NPAS3: variants seen among roughly 807,000 people sequenced by gnomAD.
NPAS3 encodes neuronal PAS domain protein 3, also known as neuronal PAS domain-containing protein 3.
A neutral mutation model predicts 73.1 loss-of-function variants in NPAS3; 14 were observed. The ratio of observed to expected loss-of-function variants is 0.19; its 90% CI spans 0.13 to 0.30. NPAS3 has a LOEUF of 0.30. Ranked by LOEUF, NPAS3 falls within the 10% of genes least tolerant of loss-of-function variation. The pLI, the probability that NPAS3 is intolerant of heterozygous loss-of-function variation, is 1.00. For synonymous variants in NPAS3, 620 were observed against 541.5 expected (o/e 1.14, Z -2.01); for missense variants, 1,096 against 1,250.0 (o/e 0.88, Z 1.86).
chr14:33,692,649 T>C (rs558171228), intron 6 of NPAS3, among the ~76,000 whole-genome samples: 1 of 152,112 alleles, frequency 6.6e-6, no homozygotes, highest in South Asian at 2.1e-4. Flanking sequence ...TATGCCTTGG[T>C]CTTCCAAAGA....
At chr14:33,295,725 A>G (rs891009488) in intron 3 of NPAS3, among the ~76,000 whole-genome samples, 1 of 152,212 alleles carries the variant, frequency 6.6e-6, no homozygotes, top group Non-Finnish European at 1.5e-5. Context: ...AGAGGTATTT[A>G]TAGAGTCCAT....
At chr14:33,321,291 G>T (rs2043435913) in intron 3 of NPAS3, among the ~76,000 whole-genome samples, 1 of 152,090 alleles carries the variant, frequency 6.6e-6, no homozygotes. Context: ...GACCAGTACA[G>T]AATAGGATTC....
intron 3 of NPAS3, among the ~76,000 whole-genome samples, chr14:33,292,160 G>A (rs1035366260): frequency 6.6e-6 from 1 of 152,046 alleles, no homozygotes; most frequent in Non-Finnish European, 1.5e-5. Flanking sequence ...TACATTCCAG[G>A]GTGTTTCAAA....
At chr14:33,546,873 C>G (rs977332116) in intron 4 of NPAS3, among the ~76,000 whole-genome samples, 1 of 152,188 alleles carries the variant, frequency 6.6e-6, no homozygotes, top group Non-Finnish European at 1.5e-5. Flanking sequence ...AGACCTATGT[C>G]TACGTCTAGT....
chr14:33,544,088 T>C (rs891456744), intron 4 of NPAS3, among the ~76,000 whole-genome samples: 7 of 151,066 alleles, frequency 4.6e-5, no homozygotes, highest in Middle Eastern at 6.8e-3. Context: ...ACCACCTCCA[T>C]AAATGCTATC....
intron 11 of NPAS3, among the ~76,000 whole-genome samples, chr14:33,798,084 A>T (rs1032637775): frequency 1.3e-5 from 2 of 152,044 alleles, no homozygotes; most frequent in African/African-American, 4.8e-5. Context: ...GCTCCAAGAG[A>T]GTCTGTGACT....
chr14:33,618,423 A>G (rs1328039286), intron 5 of NPAS3, among the ~76,000 whole-genome samples: 1 of 152,090 alleles, frequency 6.6e-6, no homozygotes, highest in African/African-American at 2.4e-5. Flanking sequence ...GATTCTCCTT[A>G]AGTAGTTGCA....
intron 2 of NPAS3, among the ~76,000 whole-genome samples, chr14:33,120,367 C>T (rs1185451093): frequency 4.6e-5 from 7 of 152,090 alleles, no homozygotes; most frequent in Admixed American, 4.6e-4. Context: ...CCAACTTTTG[C>T]TTACAAGATG....
intron 4 of NPAS3, among the ~76,000 whole-genome samples, chr14:33,529,581 T>G (rs187390024): frequency 9.1e-4 from 139 of 152,200 alleles, no homozygotes; most frequent in African/African-American, 3.3e-3. Flanking sequence ...TCCTTTGTGT[T>G]GTTAAAGTAA....
At chr14:33,350,978 T>A (rs2045018100) in intron 3 of NPAS3, among the ~76,000 whole-genome samples, 1 of 152,164 alleles carries the variant, frequency 6.6e-6, no homozygotes, top group Non-Finnish European at 1.5e-5. Context: ...AGTTTGAGCA[T>A]GAGGTAATTA....
intron 3 of NPAS3, among the ~76,000 whole-genome samples, chr14:33,223,225 C>T (rs1287121354): frequency 6.6e-6 from 1 of 152,104 alleles, no homozygotes; most frequent in East Asian, 1.9e-4. Flanking sequence ...GCAGGAGAAT[C>T]GCTTGAACGT....
chr14:33,242,172 A>G (rs2048232084), intron 3 of NPAS3, among the ~76,000 whole-genome samples: 1 of 152,034 alleles, frequency 6.6e-6, no homozygotes, highest in Admixed American at 6.6e-5. Flanking sequence ...TCGCAAACTC[A>G]CTGAGCAGAA....
intron 3 of NPAS3, among the ~76,000 whole-genome samples, chr14:33,345,284 G>A (rs1167578875): frequency 2.0e-5 from 3 of 152,142 alleles, no homozygotes; most frequent in Admixed American, 6.5e-5. Flanking sequence ...GATATGAACC[G>A]AATGTGAGAG....
intron 2 of NPAS3, among the ~76,000 whole-genome samples, chr14:33,205,885 T>A (rs1485351629): frequency 6.6e-6 from 1 of 152,200 alleles, no homozygotes; most frequent in African/African-American, 2.4e-5. Flanking sequence ...GTTTCAGAAG[T>A]GTTTGAAATC....
intron 4 of NPAS3, among the ~76,000 whole-genome samples, chr14:33,440,678 A>C (rs1224180007): frequency 6.6e-6 from 1 of 152,136 alleles, no homozygotes; most frequent in African/African-American, 2.4e-5. Context: ...GGATCACCTG[A>C]GGTCAGGAGT....
chr14:33,523,689 A>G (rs1331032471), intron 4 of NPAS3, among the ~76,000 whole-genome samples: 1 of 150,996 alleles, frequency 6.6e-6, no homozygotes, highest in Admixed American at 6.6e-5. Flanking sequence ...CTGAGGCAAG[A>G]GAATGGCTTG....
intron 2 of NPAS3, among the ~76,000 whole-genome samples, chr14:33,156,547 A>C (rs1225957405): frequency 6.6e-6 from 1 of 152,184 alleles, no homozygotes; most frequent in Non-Finnish European, 1.5e-5. Context: ...CAAGAATATA[A>C]ATCATTTAAC....
At chr14:33,295,430 C>T (rs993873855) in intron 3 of NPAS3, among the ~76,000 whole-genome samples, 11 of 152,162 alleles carry the variant, frequency 7.2e-5, no homozygotes, top group African/African-American at 2.7e-4. Context: ...TATCTAGCTC[C>T]ACTTTGTCTT....
At chr14:33,349,270 G>A (rs1196696850) in intron 3 of NPAS3, among the ~76,000 whole-genome samples, 1 of 152,156 alleles carries the variant, frequency 6.6e-6, no homozygotes, top group African/African-American at 2.4e-5. Context: ...TTAAAAAACA[G>A]TTTCGTCCAG....
Sources: allele counts gnomAD v4.1 joint callset (sites outside exome capture counted in the v4.1 genomes callset), GRCh38; gene constraint gnomAD v4.1.1; transcripts MANE v1.5; gene names NCBI Gene and HGNC (gene_info 2026-07-23, HGNC 2026-07-21).